The following MED25 variants were observed in gnomAD, a reference collection of about 807,000 sequenced individuals.
MED25 encodes mediator of RNA polymerase II transcription subunit 25.
MED25 carries 62 observed loss-of-function variants against 89.4 expected under a neutral mutation model. That is an observed-to-expected ratio of 0.69 (90% CI 0.57 to 0.86). The LOEUF (loss-of-function observed/expected upper bound fraction) is 0.86. MED25 is among the 40% of genes least tolerant of loss of function. The pLI is 0.00. For synonymous variants in MED25, 449 were observed against 427.9 expected, an observed-to-expected ratio of 1.05 and a Z score of -0.61; for missense variants, 905 against 1,005.2, an observed-to-expected ratio of 0.90 and a Z score of 1.35.
At chr19:49,820,737 A>C (rs192260291) in intron 3 of MED25, among the ~76,000 whole-genome samples, 12 of 151,990 alleles carry the variant, frequency 7.9e-5, no homozygotes, top group African/African-American at 2.9e-4. Context: ...TCTCTTTTTA[A>C]TTTTTTTTCT....
downstream of MED25, chr19:49,839,997 A>G (rs998019399): frequency 2.0e-5 from 3 of 152,248 alleles, no homozygotes; most frequent in African/African-American, 4.8e-5. Context: ...GTGAGATTCT[A>G]CAACTATCTC....
rs1376849048 is a variant in MED25 at position 49,836,187 on chromosome 19, C to G, written c.1966-39C>G. On this transcript the variant is annotated intron_variant, in intron 16 of 17. Coordinates refer to ENST00000312865, the MANE Select transcript of MED25 (RefSeq NM_030973.4). The surrounding 1 kb of genome is among the most constrained non-coding windows in gnomAD (Gnocchi z 5.1). ...GTCTGTGTTGAGAGGTGGGGAGTCT[C>G]TACCAGGAGCCTCTGAGCCACTCTC... The G allele has an allele frequency of 6.2e-7, 1 of 1,605,364 alleles. No individual in the cohort carries two copies. Among genetic ancestry groups the G allele is most frequent in the South Asian group, 1.1e-5 (1 of 90,570 alleles).
At chr19:49,818,681 G>T in intron 2 of MED25, 65 bp downstream of exon 2, 1 of 1,492,882 alleles carries the variant, frequency 6.7e-7, no homozygotes. Flanking sequence ...TGGGTCTGAG[G>T]GAGGGAGAAA....
At chr19:49,839,013 C>T (rs533809934), downstream of MED25, 9 of 336,660 alleles carry the variant, frequency 2.7e-5, no homozygotes, top group East Asian at 3.1e-4. Flanking sequence ...CGGGCATTTG[C>T]GTTGCACAGT....
At chr19:49,819,458 G>GT (rs1329465616) in intron 3 of MED25, 162 bp downstream of exon 3, 4 of 759,884 alleles carry the variant, frequency 5.3e-6, no homozygotes, top group Non-Finnish European at 8.7e-6. Flanking sequence ...ATGGCTTGGG[G>GT]TGGTTGGGGT....
rs746844003 is a variant in MED25, at chr19:49,835,966, A to G, written c.1965+21A>G. The G allele has an allele frequency of 2.5e-6, 4 of 1,612,242 alleles. No individual in the cohort carries two copies. The highest frequency in any genetic ancestry group is 2.2e-5 in the East Asian group (1 of 44,858). On this transcript the variant is annotated intron_variant, in intron 16 of 17. Coordinates refer to ENST00000312865, the MANE Select transcript of MED25 (RefSeq NM_030973.4). The surrounding 1 kb of genome is among the most constrained non-coding windows in gnomAD (Gnocchi z 6.2). ...CACCGGTGAGATGTTGGGGTGGGGT[A>G]GCGAGAGTTCCAGATCCTGGCCCTG...
At chr19:49,832,582 T>C (rs2074066451) in intron 13 of MED25, among the ~76,000 whole-genome samples, 167 bp downstream of exon 13, 1 of 152,200 alleles carries the variant, frequency 6.6e-6, no homozygotes, top group South Asian at 2.1e-4. Context: ...GTGACTTTTA[T>C]TATAATCATC....
At position 49,831,324 on chromosome 19, in the gene MED25, C is replaced by A. The variant is rs747438443; in HGVS notation, c.1102-9C>A. The A allele has an allele frequency of 6.2e-7, 1 of 1,609,958 alleles. No individual in the cohort carries two copies. Among genetic ancestry groups the A allele is most frequent in the Non-Finnish European group, 8.5e-7 (1 of 1,178,636 alleles). On this transcript the variant is annotated splice_polypyrimidine_tract_variant and intron_variant, in intron 9 of 17. Coordinates refer to ENST00000312865, the MANE Select transcript of MED25 (RefSeq NM_030973.4). The surrounding 1 kb of genome is among the most constrained non-coding windows in gnomAD (Gnocchi z 5.0). ...CATTCTCATGGCCCTCCTTCCTCCC[C>A]TCTGGCAGGCAGGCACTGTGGCCCC...
intron 3 of MED25, among the ~76,000 whole-genome samples, chr19:49,825,581 C>T (rs540598719): frequency 2.0e-5 from 3 of 151,936 alleles, no homozygotes; most frequent in African/African-American, 7.2e-5. Context: ...GCCTGTAATT[C>T]CAGCACTTTG....
downstream of MED25, chr19:49,838,593 G>A (rs1231840264): frequency 2.2e-6 from 1 of 457,478 alleles, no homozygotes; most frequent in East Asian, 6.9e-5. Flanking sequence ...CAAAACGAAA[G>A]AGAGAAGGAG....
Position 49,832,000 on chromosome 19 carries a change from A to T in MED25, c.1295A>T (p.Tyr432Phe), listed in dbSNP as rs753794673. 6.8e-6 allele frequency: 11 copies of T among 1,613,808 alleles called. No individual in the cohort carries two copies. The East Asian group carries it at 2.2e-4, about 33-fold the overall frequency. Residue 432 changes from tyrosine to phenylalanine, a missense_variant, in exon 11 of 18, where the codon TAC (tyrosine) becomes TTC (phenylalanine). Tyr to Phe is a conservative substitution (Grantham distance 22). This residue lies in a region of MED25 where 133 missense variants were observed against 220.2 expected (regional missense o/e 0.60). Transcript: ENST00000312865. This position sits in a 1 kb window ranked among gnomAD's most constrained non-coding sequence, Gnocchi z 5.0. ...ACGCGGTCACTGCCCTGCCAGGTCT[A>T]CGTGAATCATGGCGAGAACCTGTAG... Reference protein sequence around the residue: ...KLTRSLPCQVYVNHGENLKTE... With the variant: ...KLTRSLPCQVFVNHGENLKTE...
At chr19:49,840,161 T>A (rs978990692), downstream of MED25, 4 of 152,072 alleles carry the variant, frequency 2.6e-5, no homozygotes, top group African/African-American at 9.7e-5. Context: ...ACCCGAGGCC[T>A]GACACTGACA....
In MED25 at chr19:49,835,393, C is replaced by A; in HGVS notation, c.1675-141C>A. On this transcript the variant is annotated intron_variant, in intron 14 of 17. Transcript: ENST00000312865. This position sits in a 1 kb window ranked among gnomAD's most constrained non-coding sequence, Gnocchi z 6.2. ...TTCCTCCTGGAGACCTTGGAGTGTA[C>A]GGCATCCCTCCCAGACCACTCACCC... 1 of 979,550 alleles carries A rather than the reference C, an allele frequency of 1.0e-6. No homozygotes were observed. The highest frequency in any genetic ancestry group is 1.5e-6 in the Non-Finnish European group (1 of 652,638). The allele number at this position is 979,550 out of a possible 1,614,324, so 60.7% of individuals were successfully genotyped here.
chr19:49,821,816 CAAAAAAA>C (rs35798804), intron 3 of MED25, among the ~76,000 whole-genome samples: 1 of 84,140 alleles, frequency 1.2e-5, no homozygotes, highest in African/African-American at 4.6e-5. Flanking sequence ...AATTCTGTCT[CAAAAAAA>C]AAAAAAAAAA....
chr19:49,818,674 G>T (rs543365758), intron 2 of MED25, 58 bp downstream of exon 2: 2 of 1,517,420 alleles, frequency 1.3e-6, no homozygotes, highest in East Asian at 2.3e-5. Flanking sequence ...GGACTCCTGG[G>T]TCTGAGGGAG....
Position 49,818,412 on chromosome 19 carries a change from G to A in MED25, c.71G>A (p.Gly24Asp). Residue 24 changes from glycine (G) to aspartate (D), a missense_variant, in exon 1 of 18, where the codon GGT (glycine) becomes GAT (aspartate). Gly to Asp is a moderately conservative substitution (Grantham distance 94). Coordinates refer to ENST00000312865, the MANE Select transcript of MED25 (RefSeq NM_030973.4). ...GCCGACGTGGTGTTTGTGATTGAGG[G>A]TACGGCCAACCTGGGACCCTACTTC... ...VVADVVFVIE[G>D]TANLGPYFEG... The A allele has an allele frequency of 1.2e-6, 2 of 1,614,028 alleles. No individual in the cohort carries two copies. The highest frequency in any genetic ancestry group is 8.5e-7 in the Non-Finnish European group (1 of 1,179,992).
Position 49,830,495 on chromosome 19 carries a change from TCCCTTCTA to T in MED25, c.820-12_820-5del, listed in dbSNP as rs767389409. The T allele has an allele frequency of 6.2e-7, 1 of 1,613,098 alleles. No individual in the cohort carries two copies. Among genetic ancestry groups the T allele is most frequent in the Non-Finnish European group, 8.5e-7 (1 of 1,179,204 alleles). On this transcript the variant is annotated splice_region_variant and splice_polypyrimidine_tract_variant and intron_variant, in intron 7 of 17. Coordinates refer to ENST00000312865, the MANE Select transcript of MED25 (RefSeq NM_030973.4). The surrounding 1 kb of genome is among the most constrained non-coding windows in gnomAD (Gnocchi z 4.6). The stretch of plus-strand genomic sequence containing the variant: ...GGTCCTCACCAGTCCCTTCCCTTCT[TCCCTTCTA>T]CCCACAGGTTCCCGGGAACCTGAGT...
chr19:49,830,150 G>T lies in MED25; in HGVS notation c.751G>T (p.Ala251Ser). Residue 251 changes from alanine (A) to serine (S), a missense_variant, in exon 7 of 18, where the codon GCA becomes TCA. Coordinates refer to ENST00000312865, the MANE Select transcript of MED25 (RefSeq NM_030973.4). The surrounding 1 kb of genome is among the most constrained non-coding windows in gnomAD (Gnocchi z 4.6). ...GCAGCCAGTCCCCCTGCCTCCCGCC[G>T]CACCCTCAGGTGCCACTCTCTCAGC... ...SKQPVPLPPA[A>S]PSGATLSAAP... 1 of 1,602,212 alleles carries T rather than the reference G, an allele frequency of 6.2e-7. No individual in the cohort carries two copies. Among genetic ancestry groups the T allele is most frequent in the Non-Finnish European group, 8.5e-7 (1 of 1,171,698 alleles).
rs2074088296 is a variant in MED25, at chr19:49,835,415, A to C, written c.1675-119A>C. 1 of 1,101,762 alleles carries C rather than the reference A, an allele frequency of 9.1e-7. No individual in the cohort carries two copies. The highest frequency in any genetic ancestry group is 1.5e-5 in the South Asian group (1 of 64,748). The allele number at this position is 1,101,762 out of a possible 1,614,324, so 68.2% of individuals were successfully genotyped here. On this transcript the variant is annotated intron_variant, in intron 14 of 17. Transcript: ENST00000312865. The surrounding 1 kb of genome is among the most constrained non-coding windows in gnomAD (Gnocchi z 6.2). ...GTACGGCATCCCTCCCAGACCACTC[A>C]CCCCCAAAGAGAATGTCCCCATCTC...
Sources: allele counts gnomAD v4.1 joint callset (sites outside exome capture counted in the v4.1 genomes callset), GRCh38; gene constraint gnomAD v4.1.1; regional missense constraint gnomAD v4.1.1; non-coding constraint Gnocchi (gnomAD v3.1); transcripts MANE v1.5; gene names NCBI Gene and HGNC (gene_info 2026-07-23, HGNC 2026-07-21).